The following GLRA1 variants were observed in gnomAD, a reference collection of about 807,000 sequenced individuals.
The protein encoded by GLRA1 is glycine receptor alpha 1.
In GLRA1, 37 loss-of-function variants were observed where a neutral mutation model predicts 48.3. The observed-to-expected ratio is 0.77, with a 90% CI of 0.59 to 1.01. GLRA1 has a LOEUF of 1.01. GLRA1 is among the 50% of genes least tolerant of loss of function. The pLI, the probability that GLRA1 is intolerant of heterozygous loss-of-function variation, is 0.00. For synonymous variants in GLRA1, 196 were observed against 210.7 expected (o/e 0.93, Z 0.60); for missense variants, 427 against 571.0 (o/e 0.75, Z 2.57).
chr5:151,879,602 C>T lies in GLRA1; in HGVS notation c.252+7119G>A, dbSNP rs372300763. Among the ~76,000 whole-genome samples the T allele has an allele frequency of 3.1e-4, 47 of 152,282 alleles. No individual in the cohort carries two copies. In the East Asian group the frequency reaches 8.1e-3, roughly 26 times the overall value. On this transcript the variant is annotated intron_variant, in intron 3 of 8. Transcript: ENST00000274576. ...CTGACCTAAAGTGATCCGCCCACCTCGGCCTCCCAAAGTGTTGGGATTACA... is the reference window on the plus strand; with the variant it reads ...CTGACCTAAAGTGATCCGCCCACCTTGGCCTCCCAAAGTGTTGGGATTACA...
chr5:151,854,323 A>G (rs1368836500), intron 6 of GLRA1, among the ~76,000 whole-genome samples: 2 of 151,940 alleles, frequency 1.3e-5, no homozygotes, highest in African/African-American at 4.8e-5. Flanking sequence ...GTTTCTCTCA[A>G]TCTCTCTCTT....
intron 1 of GLRA1, among the ~76,000 whole-genome samples, chr5:151,922,715 C>A (rs947137606): frequency 6.6e-6 from 1 of 152,238 alleles, no homozygotes; most frequent in Non-Finnish European, 1.5e-5. Context: ...ATCAAAATGA[C>A]TACAATCCAG....
At chr5:151,924,424 AC>A (rs1754956233) in intron 1 of GLRA1, 69 bp downstream of exon 1, 3 of 950,080 alleles carry the variant, frequency 3.2e-6, no homozygotes, top group Non-Finnish European at 5.2e-6. Flanking sequence ...GGGACCACGG[AC>A]AGAGGTAGCC....
chr5:151,832,514 G>A (rs1763449555), intron 7 of GLRA1, among the ~76,000 whole-genome samples: 1 of 152,166 alleles, frequency 6.6e-6, no homozygotes, highest in African/African-American at 2.4e-5. Flanking sequence ...CACAAGTATC[G>A]ATAGCTGAAT....
At position 151,849,454 on chromosome 5, in the gene GLRA1, T is replaced by TCCTTCCCTCCCTCCCTCCCTC. The variant is rs1752830996; in HGVS notation, c.912+1935_912+1936insGAGGGAGGGAGGGAGGGAAGG. ...TCCTTTCCTTTCCTTTCCTTTCCTTTCCTTCCTTCCTTCCTTCCTTCCTTC... is the reference window on the plus strand; with the variant it reads ...TCCTTTCCTTTCCTTTCCTTTCCTTTCCTTCCCTCCCTCCCTCCCTCCCTTCCTTCCTTCCTTCCTTCCTTC... On this transcript the variant is annotated intron_variant, in intron 7 of 8. Coordinates refer to ENST00000274576, the MANE Select transcript of GLRA1 (RefSeq NM_000171.4). Among the ~76,000 whole-genome samples the TCCTTCCCTCCCTCCCTCCCTC allele has an allele frequency of 5.6e-5, 2 of 35,908 alleles. 1 individual carries two copies. Among genetic ancestry groups the TCCTTCCCTCCCTCCCTCCCTC allele is most frequent in the Non-Finnish European group, 1.0e-4 (2 of 19,566 alleles). The allele number at this position is 35,908 out of a possible 152,430, so 23.6% of individuals were successfully genotyped here. A position where few individuals can be genotyped will look rare whatever the true frequency, so the allele number is the denominator to read the frequency against.
chr5:151,905,357 A>C (rs1754451128), intron 1 of GLRA1, among the ~76,000 whole-genome samples: 1 of 151,950 alleles, frequency 6.6e-6, no homozygotes, highest in Non-Finnish European at 1.5e-5. Flanking sequence ...TTTTTGACTG[A>C]AGATTCTAAA....
At chr5:151,849,058 T>C in intron 7 of GLRA1, 3 of 437,894 alleles carry the variant, frequency 6.9e-6, no homozygotes, top group South Asian at 1.1e-4. Context: ...AAGAGTTGCC[T>C]GAGTGGGATT....
chr5:151,913,607 A>G (rs1254780588), intron 1 of GLRA1, among the ~76,000 whole-genome samples: 1 of 152,128 alleles, frequency 6.6e-6, no homozygotes, highest in Non-Finnish European at 1.5e-5. Flanking sequence ...ATGCACACTG[A>G]CAAGATATTC....
chr5:151,860,745 A>G (rs112621087), intron 3 of GLRA1, among the ~76,000 whole-genome samples: 3,067 of 152,050 alleles, frequency 0.02, 97 homozygotes, highest in African/African-American at 0.071. Context: ...TATTTATTAT[A>G]CTTTAAGTTC....
chr5:151,854,615 A>G (rs1752988961), intron 6 of GLRA1, among the ~76,000 whole-genome samples: 1 of 152,160 alleles, frequency 6.6e-6, no homozygotes, highest in East Asian at 1.9e-4. Context: ...AGGCAAGTGA[A>G]CCCTTTCTAG....
chr5:151,866,023 G>C (rs1037466432), intron 3 of GLRA1, among the ~76,000 whole-genome samples: 2 of 152,220 alleles, frequency 1.3e-5, no homozygotes, highest in Non-Finnish European at 2.9e-5. Flanking sequence ...GGGGGGCCAT[G>C]TTCAAGTTCA....
At chr5:151,914,283 T>C (rs971391033) in intron 1 of GLRA1, among the ~76,000 whole-genome samples, 2 of 152,206 alleles carry the variant, frequency 1.3e-5, no homozygotes, top group Non-Finnish European at 2.9e-5. Context: ...TCAGGGGTGA[T>C]GCTGACGGCT....
intron 8 of GLRA1, among the ~76,000 whole-genome samples, chr5:151,824,986 T>G (rs527709787): frequency 2.6e-5 from 4 of 152,336 alleles, no homozygotes; most frequent in African/African-American, 9.6e-5. Flanking sequence ...GAGTTGTATT[T>G]TTAGCACCAG....
At position 151,835,478 on chromosome 5, in the gene GLRA1, GAT is replaced by G. The variant is rs200719276; in HGVS notation, c.913-6413_913-6412del. ...CATTTTATGAGGCCAACATCATCCTGATACCAAAACCTGGCAGAGACACAACA... is the reference window on the plus strand; with the variant it reads ...CATTTTATGAGGCCAACATCATCCTGACCAAAACCTGGCAGAGACACAACA... On this transcript the variant is annotated intron_variant, in intron 7 of 8. Coordinates refer to ENST00000274576, the MANE Select transcript of GLRA1 (RefSeq NM_000171.4). Among the ~76,000 whole-genome samples, 22 of 152,266 alleles carry G rather than the reference GAT, an allele frequency of 1.4e-4. 1 individual carries two copies. The East Asian group carries it at 3.9e-3, about 27-fold the overall frequency.
chr5:151,845,164 T>C (rs1752639890), intron 7 of GLRA1, among the ~76,000 whole-genome samples: 2 of 152,182 alleles, frequency 1.3e-5, no homozygotes, highest in Non-Finnish European at 2.9e-5. Flanking sequence ...GAGAAGGCAT[T>C]AATCTATTCA....
At chr5:151,914,771 C>T (rs970883429) in intron 1 of GLRA1, among the ~76,000 whole-genome samples, 13 of 152,316 alleles carry the variant, frequency 8.5e-5, no homozygotes, top group African/African-American at 2.4e-4. Context: ...GGAGCTAGTG[C>T]AATTTCTCTT....
At chr5:151,861,772 A>C (rs1420528372) in intron 3 of GLRA1, among the ~76,000 whole-genome samples, 1 of 152,212 alleles carries the variant, frequency 6.6e-6, no homozygotes. Context: ...TGCTCAACGA[A>C]ATAAAAGAGG....
chr5:151,836,812 A>T (rs922536742), intron 7 of GLRA1, among the ~76,000 whole-genome samples: 3 of 152,226 alleles, frequency 2.0e-5, no homozygotes, highest in African/African-American at 7.2e-5. Flanking sequence ...TGAGGACTTA[A>T]ATGTAAGACC....
At chr5:151,906,581 C>T (rs569222982) in intron 1 of GLRA1, among the ~76,000 whole-genome samples, 13 of 152,282 alleles carry the variant, frequency 8.5e-5, no homozygotes, top group African/African-American at 2.9e-4. Flanking sequence ...CAGAAGGGAT[C>T]GGTCCATTGG....
Sources: gnomAD v4.1 joint callset for allele counts (sites outside exome capture counted in the v4.1 genomes callset) on GRCh38, gnomAD v4.1.1 for gene constraint, MANE v1.5 for transcripts, NCBI Gene and HGNC (gene_info 2026-07-23, HGNC 2026-07-21) for gene names.